The following UROS variants were observed in gnomAD, a reference collection of about 807,000 sequenced individuals.
UROS encodes the protein uroporphyrinogen-III synthase.
UROS carries 18 observed loss-of-function variants against 33.0 expected under a neutral mutation model. The observed-to-expected ratio is 0.55, with a 90% CI of 0.38 to 0.81. The LOEUF is 0.81. UROS is among the 30% of genes least tolerant of loss of function. UROS has a pLI of 0.00. For synonymous variants in UROS, 114 were observed against 121.1 expected (o/e 0.94, Z 0.38); for missense variants, 293 against 314.9 (o/e 0.93, Z 0.53).
intron 6 of UROS, among the ~76,000 whole-genome samples, chr10:125,799,798 G>A (rs1267034861): frequency 6.6e-6 from 1 of 152,156 alleles, no homozygotes; most frequent in Non-Finnish European, 1.5e-5. Context: ...AAAATGTCCT[G>A]GCTGAGTCCT....
intron 1 of UROS, among the ~76,000 whole-genome samples, chr10:125,820,153 C>G (rs1853744074): frequency 6.6e-6 from 1 of 152,050 alleles, no homozygotes; most frequent in Non-Finnish European, 1.5e-5. Context: ...GAAACAGAAC[C>G]AATGGCATAT....
chr10:125,786,351 C>T (rs1181247850), downstream of UROS, among the ~76,000 whole-genome samples: 1 of 150,870 alleles, frequency 6.6e-6, no homozygotes, highest in Non-Finnish European at 1.5e-5. Flanking sequence ...GATCTCAGCT[C>T]ACTGCAACCT....
chr10:125,814,292 A>G (rs563936974), intron 4 of UROS, among the ~76,000 whole-genome samples: 4 of 152,176 alleles, frequency 2.6e-5, no homozygotes, highest in African/African-American at 9.7e-5. Flanking sequence ...CCCTTGCATA[A>G]CCACTCTGCC....
chr10:125,802,824 C>T, intron 6 of UROS: 1 of 1,477,728 alleles, frequency 6.8e-7, no homozygotes, highest in Admixed American at 2.4e-5. Flanking sequence ...CCTGTGCGCT[C>T]CTGGAGATGA....
intron 1 of UROS, among the ~76,000 whole-genome samples, chr10:125,817,226 T>TTA (rs1255432471): frequency 2.5e-5 from 3 of 120,960 alleles, no homozygotes; most frequent in African/African-American, 1.3e-4. Flanking sequence ...ATAGATGTAT[T>TTA]TTTTTTTTTT....
chr10:125,803,045 AT>A (rs1444264782), intron 6 of UROS: 10 of 1,612,786 alleles, frequency 6.2e-6, no homozygotes, highest in Non-Finnish European at 7.6e-6. Context: ...AGAAATGAGC[AT>A]ATTTTGGACT....
chr10:125,818,874 G>A (rs1284439296), intron 1 of UROS, among the ~76,000 whole-genome samples: 1 of 152,204 alleles, frequency 6.6e-6, no homozygotes, highest in Non-Finnish European at 1.5e-5. Context: ...CAGCATCTTT[G>A]AAACAGAAAG....
At chr10:125,802,121 G>A (rs1332184718) in intron 6 of UROS, 59 of 985,226 alleles carry the variant, frequency 6.0e-5, no homozygotes, top group Non-Finnish European at 6.9e-5. Context: ...CCATTTATGC[G>A]GTGATGATGA....
intron 6 of UROS, among the ~76,000 whole-genome samples, chr10:125,803,410 G>T (rs1852006738): frequency 6.6e-6 from 1 of 152,208 alleles, no homozygotes; most frequent in Non-Finnish European, 1.5e-5. Flanking sequence ...ACTGAGCTGT[G>T]GGAAGACGGC....
intron 7 of UROS, chr10:125,796,915 C>G (rs572869784): frequency 2.1e-6 from 2 of 946,166 alleles, no homozygotes; most frequent in East Asian, 1.2e-4. Context: ...CAGCATAAAA[C>G]AGCAACCTAT....
intron 2 of UROS, 31 bp downstream of exon 2, chr10:125,816,406 A>G (rs1853324531): frequency 6.2e-7 from 1 of 1,613,604 alleles, no homozygotes; most frequent in South Asian, 1.1e-5. Context: ...TAGAAAGGAC[A>G]CTGTGGGATA....
intron 3 of UROS, 125 bp downstream of exon 3, chr10:125,816,052 G>T: frequency 9.8e-7 from 1 of 1,021,212 alleles, no homozygotes; most frequent in Non-Finnish European, 1.5e-6. Flanking sequence ...GCCAGGTGAA[G>T]TTATGCTGCC....
At chr10:125,794,783 G>A (rs1851209539) in intron 9 of UROS, 97 bp downstream of exon 9, 1 of 1,182,298 alleles carries the variant, frequency 8.5e-7, no homozygotes, top group African/African-American at 1.6e-5. Context: ...CTAGGCCAGG[G>A]GTGTCTCACT....
At chr10:125,802,165 G>A in intron 6 of UROS, 1 of 985,458 alleles carries the variant, frequency 1.0e-6, no homozygotes, top group Non-Finnish European at 1.2e-6. Flanking sequence ...CAAAAAGCCT[G>A]GAGCCAGACA....
chr10:125,794,848 GA>G (rs753622863), intron 9 of UROS, 31 bp downstream of exon 9: 2 of 1,531,828 alleles, frequency 1.3e-6, no homozygotes, highest in East Asian at 4.5e-5. Context: ...AAAAGAATCT[GA>G]AAAAGACCAA....
At chr10:125,786,015 C>T (rs918874720), downstream of UROS, among the ~76,000 whole-genome samples, 3 of 152,190 alleles carry the variant, frequency 2.0e-5, no homozygotes, top group Non-Finnish European at 4.4e-5. Context: ...GGGCGTTACT[C>T]TGTTTGGAGC....
At chr10:125,801,830 C>A (rs939554700) in intron 6 of UROS, among the ~76,000 whole-genome samples, 1 of 152,212 alleles carries the variant, frequency 6.6e-6, no homozygotes, top group Non-Finnish European at 1.5e-5. Flanking sequence ...ACATTGATCT[C>A]TTCTGTCTTG....
intron 8 of UROS, chr10:125,795,210 T>C (rs893481869): frequency 2.6e-5 from 15 of 569,114 alleles, no homozygotes; most frequent in East Asian, 1.6e-4. Context: ...CCCAGGTCTG[T>C]GTCTGCCTGG....
chr10:125,797,572 C>T (rs1209683100), intron 7 of UROS, among the ~76,000 whole-genome samples: 3 of 152,204 alleles, frequency 2.0e-5, no homozygotes, highest in African/African-American at 4.8e-5. Context: ...GCATCGAGGA[C>T]GGCAGCATGC....
Sources: allele counts gnomAD v4.1 joint callset (sites outside exome capture counted in the v4.1 genomes callset), GRCh38; gene constraint gnomAD v4.1.1; transcripts MANE v1.5; gene names NCBI Gene and HGNC (gene_info 2026-07-23, HGNC 2026-07-21).